CECR2: variants seen among roughly 807,000 people sequenced by gnomAD.
CECR2 encodes CECR2 histone acetyl-lysine reader.
CECR2 carries 30 observed loss-of-function variants against 154.5 expected under a neutral mutation model. That is an observed-to-expected ratio of 0.19 (90% CI 0.15 to 0.26). The LOEUF (loss-of-function observed/expected upper bound fraction) is 0.26, where lower values mean the gene tolerates loss of function less well. Ranked by LOEUF, CECR2 falls within the 10% of genes least tolerant of loss-of-function variation. The pLI is 1.00. For missense variants in CECR2, 1,743 were observed against 1,829.3 expected (o/e 0.95, Z 0.86); for synonymous variants, 725 against 683.7 (o/e 1.06, Z -0.94).
At chr22:17,372,779 A>C (rs1239016323) in intron 1 of CECR2, among the ~76,000 whole-genome samples, 2 of 152,198 alleles carry the variant, frequency 1.3e-5, no homozygotes, top group Non-Finnish European at 2.9e-5. Context: ...TTAAAAGGTA[A>C]AAATGATAAA....
At chr22:17,376,961 A>G (rs1438029436) in intron 1 of CECR2, among the ~76,000 whole-genome samples, 1 of 152,180 alleles carries the variant, frequency 6.6e-6, no homozygotes, top group African/African-American at 2.4e-5. Context: ...AAAAGGCAGC[A>G]ATCAGAAAGC....
chr22:17,405,039 C>G (rs1457561330), intron 1 of CECR2, among the ~76,000 whole-genome samples: 1 of 152,130 alleles, frequency 6.6e-6, no homozygotes. Context: ...TTCAAATTCT[C>G]AACTCTTTAG....
chr22:17,422,312 C>T (rs529778486), intron 1 of CECR2, among the ~76,000 whole-genome samples: 1 of 152,308 alleles, frequency 6.6e-6, no homozygotes, highest in East Asian at 1.9e-4. Flanking sequence ...GTTCTTCTGC[C>T]TCAGTCCCCC....
intron 7 of CECR2, among the ~76,000 whole-genome samples, chr22:17,508,945 A>G (rs1040317068): frequency 6.6e-6 from 1 of 152,190 alleles, no homozygotes; most frequent in Non-Finnish European, 1.5e-5. Context: ...GTAAGATGCA[A>G]CATTTAAAAA....
In CECR2 at chr22:17,477,607, A is replaced by C. The variant is rs2055231193; in HGVS notation, c.146A>C (p.His49Pro). The change falls in exon 2 of 19, where the codon CAC (histidine) becomes CCC (proline). Residue 49 changes from histidine (H) to proline (P), a missense_variant. Physicochemically the swap from His to Pro is moderately conservative, Grantham distance 77. Around this residue, in one of 4 missense-constraint regions of CECR2, gnomAD observed 98 missense variants for 169.3 expected, o/e 0.58. Transcript: ENST00000262608. ...FEIEELEAAL[H>P]RDDVEFISDL... Reference sequence around the variant, plus strand: ...CCTCAGGAGTTAGAAGCCGCTCTTCACAGAGATGACGTGGAGTTTATCAGT... The same window carrying C: ...CCTCAGGAGTTAGAAGCCGCTCTTCCCAGAGATGACGTGGAGTTTATCAGT... 6.2e-7 allele frequency: 1 copy of C among 1,613,128 alleles called. No individual in the cohort carries two copies. Among genetic ancestry groups the C allele is most frequent in the Non-Finnish European group, 8.5e-7 (1 of 1,179,342 alleles).
chr22:17,384,978 T>C (rs146193318), intron 1 of CECR2, among the ~76,000 whole-genome samples: 3 of 152,342 alleles, frequency 2.0e-5, no homozygotes, highest in Non-Finnish European at 4.4e-5. Context: ...CTTGCATGTT[T>C]ACGTTACATT....
chr22:17,368,604 G>C (rs746477326), upstream of CECR2, among the ~76,000 whole-genome samples: 1 of 152,078 alleles, frequency 6.6e-6, no homozygotes, highest in East Asian at 1.9e-4. Flanking sequence ...TCCCTCCGCC[G>C]GGGCGTGGGG....
intron 16 of CECR2, among the ~76,000 whole-genome samples, chr22:17,546,412 G>A (rs948408289): frequency 2.0e-5 from 3 of 151,158 alleles, no homozygotes; most frequent in Admixed American, 6.6e-5. Context: ...CGTGAACCCG[G>A]GAGGCGGAGC....
chr22:17,543,133 G>A, intron 16 of CECR2, 130 bp downstream of exon 16: 1 of 1,153,736 alleles, frequency 8.7e-7, no homozygotes, highest in Non-Finnish European at 1.2e-6. Context: ...GTTTTGTTTT[G>A]TTCTGTTTTG....
chr22:17,430,219 G>A (rs2054400055), intron 1 of CECR2, among the ~76,000 whole-genome samples: 2 of 152,124 alleles, frequency 1.3e-5, no homozygotes, highest in African/African-American at 4.8e-5. Context: ...TCTTACAGTT[G>A]TCAAACTTCA....
intron 8 of CECR2, among the ~76,000 whole-genome samples, chr22:17,516,720 G>C (rs1989564): frequency 3.3e-5 from 5 of 151,896 alleles, no homozygotes; most frequent in Non-Finnish European, 7.4e-5. Flanking sequence ...TCAGCCTCAC[G>C]AGTAGCTGGG....
intron 7 of CECR2, among the ~76,000 whole-genome samples, chr22:17,509,856 C>G (rs2055910713): frequency 6.6e-6 from 1 of 152,182 alleles, no homozygotes; most frequent in African/African-American, 2.4e-5. Context: ...TAATCCTTCT[C>G]TGTCCGCCAT....
At position 17,549,255 on chromosome 22, in the gene CECR2, C is replaced by T. The variant is rs887806595; in HGVS notation, c.3968C>T (p.Pro1323Leu). Reference sequence around the variant, plus strand: ...AGCGAGTATCTCTATGGAACTCCTCCGCCTCTGAGTTCAGGAATGGGATTT... The same window carrying T: ...AGCGAGTATCTCTATGGAACTCCTCTGCCTCTGAGTTCAGGAATGGGATTT... The part of the protein sequence containing the change: ...SASEYLYGTP[P>L]PLSSGMGFGS... Residue 1323 changes from proline (P) to leucine (L), a missense_variant, in exon 17 of 19, where the codon CCG becomes CTG. Physicochemically the swap from Pro to Leu is moderately conservative, Grantham distance 98. Coordinates refer to ENST00000262608, the MANE Select transcript of CECR2 (RefSeq NM_001290047.2). 8.7e-6 allele frequency: 14 copies of T among 1,613,856 alleles called. No individual in the cohort carries two copies. The highest frequency in any genetic ancestry group is 1.3e-5 in the African/African-American group (1 of 74,900).
In CECR2 at chr22:17,500,705, G is replaced by A. The variant is rs1256627770; in HGVS notation, c.620G>A (p.Arg207Gln). The change falls in exon 5 of 19, where the codon CGG (arginine) becomes CAG (glutamine). Residue 207 changes from arginine to glutamine, a missense_variant. By Grantham distance (43) the Arg-to-Gln change is conservative (BLOSUM62 1). Transcript: ENST00000262608. Reference sequence around the variant, plus strand: ...AAAAGAAGAGGAAGACCCCCAAAACGGAAGAAACTGCAGGAGGAGATTCTG... The same window carrying A: ...AAAAGAAGAGGAAGACCCCCAAAACAGAAGAAACTGCAGGAGGAGATTCTG... ...TGKRRGRPPK[R>Q]KKLQEEILLS... 3.2e-6 allele frequency: 5 copies of A among 1,555,476 alleles called. No homozygotes were observed. Among genetic ancestry groups the A allele is most frequent in the African/African-American group, 1.4e-5 (1 of 73,250 alleles).
At chr22:17,431,565 C>T (rs1180220141) in intron 1 of CECR2, among the ~76,000 whole-genome samples, 1 of 152,150 alleles carries the variant, frequency 6.6e-6, no homozygotes, top group Non-Finnish European at 1.5e-5. Context: ...TGAATAACTA[C>T]CAGCAGTTCC....
intron 2 of CECR2, among the ~76,000 whole-genome samples, chr22:17,491,226 C>T (rs1181559882): frequency 6.6e-6 from 1 of 152,074 alleles, no homozygotes; most frequent in East Asian, 1.9e-4. Flanking sequence ...CTGGGGTGTA[C>T]ACCTAGGAGT....
intron 1 of CECR2, among the ~76,000 whole-genome samples, chr22:17,393,147 C>T (rs185243033): frequency 6.6e-6 from 1 of 152,282 alleles, no homozygotes; most frequent in Non-Finnish European, 1.5e-5. Flanking sequence ...AAAAGAAACC[C>T]TGTACCCTTG....
chr22:17,524,395 T>C (rs1300450560), intron 9 of CECR2, 124 bp downstream of exon 9: 1 of 1,115,480 alleles, frequency 9.0e-7, no homozygotes, highest in Non-Finnish European at 1.2e-6. Context: ...TTCTTTTTTT[T>C]TTTTTTTTTT....
chr22:17,551,024 T>C (rs1186610471), intron 17 of CECR2, among the ~76,000 whole-genome samples: 1 of 152,250 alleles, frequency 6.6e-6, no homozygotes, highest in Non-Finnish European at 1.5e-5. Context: ...AGTGCCATCC[T>C]GTCATCTTAT....
Sources: allele counts gnomAD v4.1 joint callset (sites outside exome capture counted in the v4.1 genomes callset), GRCh38; gene constraint gnomAD v4.1.1; regional missense constraint gnomAD v4.1.1; transcripts MANE v1.5; gene names NCBI Gene and HGNC (gene_info 2026-07-23, HGNC 2026-07-21).